Variants in ENTREP2 observed in about 807,000 individuals in gnomAD.
ENTREP2 encodes the protein endosomal transmembrane epsin interactor 2.
At chr15:29,339,132 T>C in the ENTREP2 span, among the ~76,000 whole-genome samples, 2 of 152,244 alleles carry the variant, frequency 1.3e-5, no homozygotes, top group African/African-American at 4.8e-5. Flanking sequence ...GGTCCAGTGA[T>C]GTGCTACTGC....
chr15:29,290,008 G>A, the ENTREP2 span, among the ~76,000 whole-genome samples: 1 of 152,082 alleles, frequency 6.6e-6, no homozygotes, highest in Admixed American at 6.6e-5. Flanking sequence ...GAGGAACTAC[G>A]GCTAAATGCG....
At chr15:29,175,650 G>C in the ENTREP2 span, among the ~76,000 whole-genome samples, 3 of 152,214 alleles carry the variant, frequency 2.0e-5, no homozygotes, top group Non-Finnish European at 2.9e-5. Flanking sequence ...TGTCACCCAG[G>C]CTGGAGTGCA....
At chr15:29,132,325 T>C in the ENTREP2 span, among the ~76,000 whole-genome samples, 3 of 152,168 alleles carry the variant, frequency 2.0e-5, no homozygotes, top group African/African-American at 7.2e-5. Flanking sequence ...TGGGTTTCTT[T>C]GACTTCCAGA....
the ENTREP2 span, among the ~76,000 whole-genome samples, chr15:29,663,807 A>ACATC: frequency 6.6e-6 from 1 of 152,208 alleles, no homozygotes; most frequent in South Asian, 2.1e-4. Flanking sequence ...GCACATGTAT[A>ACATC]CATATGTAAC....
chr15:29,178,060 AG>A, the ENTREP2 span, among the ~76,000 whole-genome samples: 2 of 152,152 alleles, frequency 1.3e-5, no homozygotes, highest in Non-Finnish European at 2.9e-5. Context: ...AGGGAGGTTG[AG>A]GCAGGAGGAT....
At chr15:29,430,142 T>G in the ENTREP2 span, among the ~76,000 whole-genome samples, 2 of 152,128 alleles carry the variant, frequency 1.3e-5, no homozygotes, top group African/African-American at 4.8e-5. Context: ...GCAAGAAGGC[T>G]TTCTTTCAGA....
At chr15:29,164,025 C>CA in the ENTREP2 span, among the ~76,000 whole-genome samples, 2 of 152,194 alleles carry the variant, frequency 1.3e-5, no homozygotes, top group Non-Finnish European at 2.9e-5. Context: ...CCTCCTCAAA[C>CA]AAAACGATTA....
chr15:29,373,320 G>T, the ENTREP2 span, among the ~76,000 whole-genome samples: 1 of 152,130 alleles, frequency 6.6e-6, no homozygotes. Flanking sequence ...AATCAGGTCG[G>T]GGTGAGGAAG....
chr15:29,325,258 G>A, the ENTREP2 span, among the ~76,000 whole-genome samples: 2 of 152,076 alleles, frequency 1.3e-5, no homozygotes, highest in African/African-American at 2.4e-5. Context: ...TAATATAAGC[G>A]TGTACCTTAG....
At chr15:29,552,192 AT>A in the ENTREP2 span, among the ~76,000 whole-genome samples, 1 of 152,206 alleles carries the variant, frequency 6.6e-6, no homozygotes, top group Admixed American at 6.6e-5. Context: ...GCGGCCTGAG[AT>A]TTAAAGTGAA....
At chr15:29,269,292 G>T in the ENTREP2 span, 6 of 1,614,048 alleles carry the variant, frequency 3.7e-6, no homozygotes, top group African/African-American at 8.0e-5. Context: ...GCTTATACCC[G>T]AAGACGTACT....
chr15:29,368,337 A>AAAAAAT, the ENTREP2 span, among the ~76,000 whole-genome samples: 31 of 146,184 alleles, frequency 2.1e-4, no homozygotes, highest in East Asian at 1.5e-3. Context: ...CAAAAAAAAA[A>AAAAAAT]ATATATATAT....
chr15:29,673,185 C>A, the ENTREP2 span, among the ~76,000 whole-genome samples: 1 of 152,042 alleles, frequency 6.6e-6, no homozygotes, highest in Non-Finnish European at 1.5e-5. Flanking sequence ...GACCACAGCT[C>A]ATTATACTCT....
At chr15:29,571,235 CG>C in the ENTREP2 span, among the ~76,000 whole-genome samples, 2 of 152,050 alleles carry the variant, frequency 1.3e-5, no homozygotes, top group Non-Finnish European at 2.9e-5. Flanking sequence ...GGAAGGAGAG[CG>C]GGGGCGGCAG....
the ENTREP2 span, among the ~76,000 whole-genome samples, chr15:29,354,369 A>G: frequency 1.3e-5 from 2 of 152,146 alleles, no homozygotes; most frequent in African/African-American, 4.8e-5. Flanking sequence ...CAAGTGCATG[A>G]ACCTATTCCC....
the ENTREP2 span, among the ~76,000 whole-genome samples, chr15:29,316,755 T>C: frequency 1.3e-5 from 2 of 152,158 alleles, no homozygotes; most frequent in Non-Finnish European, 2.9e-5. Flanking sequence ...AAAATATGGG[T>C]TCAGATAATA....
At chr15:29,553,352 C>A in the ENTREP2 span, among the ~76,000 whole-genome samples, 5 of 152,138 alleles carry the variant, frequency 3.3e-5, no homozygotes, top group Non-Finnish European at 7.3e-5. Context: ...TAAATCAATT[C>A]ATAAATTTAC....
chr15:29,642,439 T>C, the ENTREP2 span, among the ~76,000 whole-genome samples: 1 of 148,042 alleles, frequency 6.8e-6, no homozygotes, highest in Admixed American at 6.8e-5. Flanking sequence ...ATTATATATA[T>C]ACATATATAT....
chr15:29,495,387 T>G, the ENTREP2 span, among the ~76,000 whole-genome samples: 1 of 152,216 alleles, frequency 6.6e-6, no homozygotes, highest in African/African-American at 2.4e-5. Flanking sequence ...TAAAGAAATA[T>G]TTTAGTATGG....
Sources: allele counts gnomAD v4.1 joint callset (sites outside exome capture counted in the v4.1 genomes callset), GRCh38; gene constraint gnomAD v4.1.1; transcripts MANE v1.5; gene names NCBI Gene and HGNC (gene_info 2026-07-23, HGNC 2026-07-21).